The following UNC13B variants were observed in gnomAD, a reference collection of about 807,000 sequenced individuals.
The protein encoded by UNC13B is unc-13 homolog B.
In UNC13B, 144 loss-of-function variants were observed where a neutral mutation model predicts 211.0. The observed-to-expected ratio is 0.68, with a 90% CI of 0.60 to 0.78. The LOEUF (loss-of-function observed/expected upper bound fraction) is 0.78, where lower values mean the gene tolerates loss of function less well. Among genes scored for constraint, UNC13B ranks in the 30% least tolerant of loss-of-function variants. UNC13B has a pLI of 0.00. For missense variants in UNC13B, 1,777 were observed against 2,002.0 expected (o/e 0.89, Z 2.14); for synonymous variants, 709 against 725.8 (o/e 0.98, Z 0.37).
intron 1 of UNC13B, among the ~76,000 whole-genome samples, chr9:35,176,909 A>T: frequency 6.6e-6 from 1 of 152,280 alleles, no homozygotes; most frequent in Admixed American, 6.5e-5. Context: ...GGCAGAGGAA[A>T]TAGTATGTGC....
intron 1 of UNC13B, among the ~76,000 whole-genome samples, chr9:35,184,753 AAAGAAAGGAAGG>A (rs1463675147): frequency 1.1e-5 from 1 of 90,566 alleles, no homozygotes; most frequent in African/African-American, 3.7e-5. Flanking sequence ...AGAAAGAAAG[AAAGAAAGGAAGG>A]AAGGAAGGAA....
At chr9:35,229,923 C>T (rs1455017956) in intron 2 of UNC13B, among the ~76,000 whole-genome samples, 2 of 152,084 alleles carry the variant, frequency 1.3e-5, no homozygotes, top group East Asian at 3.9e-4. Context: ...TTTGATGAGT[C>T]AAAGTGATAG....
At chr9:35,231,278 C>A in intron 3 of UNC13B, 59 bp downstream of exon 3, 1 of 1,088,744 alleles carries the variant, frequency 9.2e-7, no homozygotes, top group Non-Finnish European at 1.4e-6. Context: ...AAGGGAATTG[C>A]ATTGGATGAA....
intron 7 of UNC13B, among the ~76,000 whole-genome samples, chr9:35,280,290 G>A (rs1186339243): frequency 6.6e-6 from 1 of 152,102 alleles, no homozygotes; most frequent in Middle Eastern, 3.2e-3. Flanking sequence ...ATTCCTAGTA[G>A]GATAAATGAA....
intron 1 of UNC13B, among the ~76,000 whole-genome samples, chr9:35,197,395 A>G (rs1823004564): frequency 1.3e-5 from 2 of 151,866 alleles, no homozygotes; most frequent in Admixed American, 1.3e-4. Flanking sequence ...TTTAGGAGAG[A>G]TGGGGTTTCA....
chr9:35,384,213 T>C (rs374630820), intron 21 of UNC13B, 33 bp from the exon 22 acceptor site: 47 of 1,613,174 alleles, frequency 2.9e-5, no homozygotes, highest in Non-Finnish European at 3.9e-5. Context: ...CAGGTTCTCT[T>C]TTTCTTCCCC....
At chr9:35,229,497 A>G (rs896707342) in intron 2 of UNC13B, among the ~76,000 whole-genome samples, 1 of 152,108 alleles carries the variant, frequency 6.6e-6, no homozygotes, top group African/African-American at 2.4e-5. Context: ...CCAACCACCA[A>G]TTGTCAATAT....
intron 13 of UNC13B, 145 bp from the exon 14 acceptor site, chr9:35,374,982 T>A: frequency 1.2e-6 from 1 of 804,536 alleles, no homozygotes. Context: ...TTGTCACCTG[T>A]TAGGGCGGTT....
intron 1 of UNC13B, among the ~76,000 whole-genome samples, chr9:35,206,490 C>G (rs755900260): frequency 6.6e-6 from 1 of 152,122 alleles, no homozygotes; most frequent in African/African-American, 2.4e-5. Flanking sequence ...GTCCTTGTGA[C>G]TGGCTTTTTT....
At chr9:35,286,456 C>T (rs1426162166) in intron 7 of UNC13B, among the ~76,000 whole-genome samples, 2 of 151,924 alleles carry the variant, frequency 1.3e-5, no homozygotes, top group Non-Finnish European at 2.9e-5. Context: ...TGGTCTCGAA[C>T]TCCTGACCTC....
intron 7 of UNC13B, among the ~76,000 whole-genome samples, chr9:35,264,946 T>C (rs1446500799): frequency 1.3e-5 from 2 of 152,192 alleles, no homozygotes; most frequent in Non-Finnish European, 2.9e-5. Context: ...ACTTGTCTGG[T>C]TTCGCAGGTT....
chr9:35,198,354 T>G (rs540032098), intron 1 of UNC13B, among the ~76,000 whole-genome samples: 1 of 152,326 alleles, frequency 6.6e-6, no homozygotes, highest in East Asian at 1.9e-4. Context: ...TCTGGCCATG[T>G]AATATGCGCC....
intron 1 of UNC13B, among the ~76,000 whole-genome samples, chr9:35,167,261 G>T (rs1399379687): frequency 6.6e-6 from 1 of 151,870 alleles, no homozygotes; most frequent in African/African-American, 2.4e-5. Flanking sequence ...TTTTAGTAGA[G>T]ACAGGGTTTC....
chr9:35,384,401 G>T (rs1169628028), intron 22 of UNC13B, 87 bp downstream of exon 22: 1 of 1,530,608 alleles, frequency 6.5e-7, no homozygotes, highest in Non-Finnish European at 8.8e-7. Context: ...TATAAAGATT[G>T]AGGCCAGGGA....
intron 11 of UNC13B, among the ~76,000 whole-genome samples, chr9:35,329,051 G>A (rs954965799): frequency 6.6e-6 from 1 of 151,674 alleles, no homozygotes; most frequent in Non-Finnish European, 1.5e-5. Flanking sequence ...GATTACATGC[G>A]TGAGCCACCT....
intron 11 of UNC13B, chr9:35,351,227 A>G (rs1418354471): frequency 3.0e-5 from 29 of 982,400 alleles, no homozygotes; most frequent in Non-Finnish European, 3.6e-5. Flanking sequence ...CTGCTTGACA[A>G]CTTGATTCAA....
chr9:35,172,974 T>C (rs1821414950), intron 1 of UNC13B, among the ~76,000 whole-genome samples: 1 of 152,184 alleles, frequency 6.6e-6, no homozygotes, highest in African/African-American at 2.4e-5. Context: ...AGTAAGTGCT[T>C]CTTTAGAGCT....
In UNC13B at chr9:35,400,277, G is replaced by T. The variant is rs192330389; in HGVS notation, c.12337-19G>T. On this transcript the variant is annotated intron_variant, in intron 36 of 39. Transcript: ENST00000635942. ...CTGTAAGGGGATGAAGCAGTCACGG[G>T]TGCTCTTTTATCTTGCAGCAATACT... The T allele has an allele frequency of 6.8e-4, 1,091 of 1,612,578 alleles. 6 individuals carry two copies. The highest frequency in any genetic ancestry group is 2.0e-3 in the East Asian group (88 of 44,876).
chr9:35,262,188 C>G (rs915019051), intron 7 of UNC13B, among the ~76,000 whole-genome samples: 11 of 151,858 alleles, frequency 7.2e-5, no homozygotes, highest in African/African-American at 2.7e-4. Flanking sequence ...TTTAACCTAC[C>G]TTCTTTCCTT....
Sources: gnomAD v4.1 joint callset for allele counts (sites outside exome capture counted in the v4.1 genomes callset) on GRCh38, gnomAD v4.1.1 for gene constraint, MANE v1.5 for transcripts, NCBI Gene and HGNC (gene_info 2026-07-23, HGNC 2026-07-21) for gene names.